LRCH1: variants seen among roughly 807,000 people sequenced by gnomAD.
LRCH1 encodes the protein leucine rich repeats and calponin homology domain containing 1.
LRCH1 carries 23 observed loss-of-function variants against 94.9 expected under a neutral mutation model. The observed-to-expected ratio is 0.24, with a 90% CI of 0.17 to 0.34. The LOEUF (loss-of-function observed/expected upper bound fraction) is 0.34, where lower values mean the gene tolerates loss of function less well. LRCH1 is among the 10% of genes least tolerant of loss of function. The pLI, the probability that LRCH1 is intolerant of heterozygous loss-of-function variation, is 1.00. For synonymous variants in LRCH1, 364 were observed against 354.9 expected (o/e 1.03, Z -0.29); for missense variants, 790 against 945.9 (o/e 0.84, Z 2.16).
At chr13:46,675,548 T>G (rs1286365798) in intron 3 of LRCH1, among the ~76,000 whole-genome samples, 1 of 152,224 alleles carries the variant, frequency 6.6e-6, no homozygotes, top group Non-Finnish European at 1.5e-5. Context: ...ATGCTATTTT[T>G]TATTCTTTTT....
At chr13:46,671,733 A>G (rs540712624) in intron 3 of LRCH1, among the ~76,000 whole-genome samples, 61 of 152,376 alleles carry the variant, frequency 4.0e-4, no homozygotes, top group African/African-American at 1.4e-3. Context: ...TGCAAATACA[A>G]TATGAATAAC....
chr13:46,689,715 T>G (rs918898099), intron 7 of LRCH1, among the ~76,000 whole-genome samples: 1 of 151,862 alleles, frequency 6.6e-6, no homozygotes, highest in Non-Finnish European at 1.5e-5. Flanking sequence ...TTAGATTGTG[T>G]TCTGTTCTGT....
chr13:46,588,919 A>G (rs1396605243), intron 1 of LRCH1, among the ~76,000 whole-genome samples: 2 of 151,344 alleles, frequency 1.3e-5, no homozygotes, highest in African/African-American at 2.4e-5. Flanking sequence ...TGCTTTCTCT[A>G]TTTGTGTGTG....
intron 19 of LRCH1, among the ~76,000 whole-genome samples, chr13:46,735,940 G>A (rs1425575957): frequency 6.6e-6 from 1 of 151,872 alleles, no homozygotes; most frequent in East Asian, 2.0e-4. Context: ...GGGATTACAG[G>A]TGTGCACTAC....
chr13:46,602,401 G>C (rs539593234), intron 1 of LRCH1, among the ~76,000 whole-genome samples: 1 of 152,266 alleles, frequency 6.6e-6, no homozygotes, highest in South Asian at 2.1e-4. Context: ...TCAGGGTGAA[G>C]AACATGGCTT....
rs1251169676 is a variant in LRCH1 at position 46,715,452 on chromosome 13, C to T, written c.1655-108C>T. The T allele has an allele frequency of 6.0e-6, 4 of 664,826 alleles. No individual in the cohort carries two copies. In the East Asian group the frequency reaches 1.1e-4, roughly 18 times the overall value. The allele number at this position is 664,826 out of a possible 1,614,324, so 41.2% of individuals were successfully genotyped here. A position where few individuals can be genotyped will look rare whatever the true frequency, so the allele number is the denominator to read the frequency against. On this transcript the variant is annotated intron_variant, in intron 15 of 19. Coordinates refer to ENST00000389797, the MANE Select transcript of LRCH1 (RefSeq NM_001164211.2). ...AAACCCCATATAAATGAAATCCACT[C>T]TTCATTTCCATGCAAACCCTATGCC...
chr13:46,597,027 C>T lies in LRCH1; in HGVS notation c.307+43324C>T, dbSNP rs868543950. Among the ~76,000 whole-genome samples the T allele has an allele frequency of 4.6e-5, 7 of 152,256 alleles. No homozygotes were observed. The South Asian group carries it at 6.2e-4, about 14-fold the overall frequency. On this transcript the variant is annotated intron_variant, in intron 1 of 19. Transcript: ENST00000389797. ...AAATTCCCAAATGGGTTAATACAGT[C>T]GATCCTCAATCTTTGAGAATTCTGT...
At chr13:46,715,508 T>C in intron 15 of LRCH1, 52 bp from the exon 16 acceptor site, 1 of 1,068,970 alleles carries the variant, frequency 9.4e-7, no homozygotes, top group Non-Finnish European at 1.4e-6. Flanking sequence ...CCTTTGGTTT[T>C]TCCTGGTCCT....
chr13:46,629,390 G>T (rs1161635399), intron 1 of LRCH1, among the ~76,000 whole-genome samples: 1 of 152,190 alleles, frequency 6.6e-6, no homozygotes, highest in East Asian at 1.9e-4. Flanking sequence ...ATGTGTTCTT[G>T]TGTGCCAATC....
chr13:46,660,034 C>CTTTTTTTTTTTT (rs767544799), intron 2 of LRCH1, among the ~76,000 whole-genome samples: 7,058 of 103,060 alleles, frequency 0.068, 1,053 homozygotes, highest in East Asian at 0.1. Flanking sequence ...TTAGGAGTCA[C>CTTTTTTTTTTTT]TTTTTTTTTT....
intron 1 of LRCH1, among the ~76,000 whole-genome samples, chr13:46,582,770 G>A (rs919892976): frequency 3.3e-5 from 5 of 149,432 alleles, no homozygotes; most frequent in Admixed American, 1.3e-4. Context: ...CAGAGTGCTG[G>A]GATTATAGGT....
chr13:46,721,992 G>C (rs568809754), intron 16 of LRCH1, among the ~76,000 whole-genome samples: 3 of 152,188 alleles, frequency 2.0e-5, no homozygotes, highest in African/African-American at 7.2e-5. Flanking sequence ...CAGGACTTTT[G>C]ATTACACCGA....
chr13:46,594,790 T>G (rs2050540861), intron 1 of LRCH1, among the ~76,000 whole-genome samples: 1 of 152,202 alleles, frequency 6.6e-6, no homozygotes. Context: ...AAATGTATGG[T>G]TAGTGCTTTC....
chr13:46,668,786 C>G (rs2051557215), intron 2 of LRCH1, among the ~76,000 whole-genome samples: 1 of 151,774 alleles, frequency 6.6e-6, no homozygotes, highest in South Asian at 2.1e-4. Context: ...ATAAAGTTGT[C>G]TCTTTGAGAA....
At chr13:46,679,109 A>G (rs1039597202) in intron 3 of LRCH1, among the ~76,000 whole-genome samples, 3 of 152,218 alleles carry the variant, frequency 2.0e-5, no homozygotes, top group African/African-American at 7.2e-5. Flanking sequence ...TTAGATGCCA[A>G]TAACGTCCAT....
At chr13:46,751,272 G>A (rs1418982068) in exon 19 of LRCH1, 2 of 151,900 alleles carry the variant, frequency 1.3e-5, no homozygotes, top group East Asian at 1.9e-4. Flanking sequence ...CCTCTTTGGT[G>A]TGCGGTAGTT....
chr13:46,620,222 A>G (rs544934363), intron 1 of LRCH1, among the ~76,000 whole-genome samples: 67 of 152,202 alleles, frequency 4.4e-4, no homozygotes, highest in Non-Finnish European at 7.6e-4. Context: ...CATACTACCA[A>G]TACAAAAGCA....
At chr13:46,748,166 C>G (rs1593393926), downstream of LRCH1, among the ~76,000 whole-genome samples, 1 of 151,856 alleles carries the variant, frequency 6.6e-6, no homozygotes. Context: ...TTGCTCTTTT[C>G]CTTTGTGACT....
intron 3 of LRCH1, among the ~76,000 whole-genome samples, chr13:46,669,658 A>G (rs1487113969): frequency 3.3e-5 from 5 of 152,212 alleles, no homozygotes; most frequent in African/African-American, 7.2e-5. Context: ...AGAACAAGCT[A>G]TAGATGAGCA....
Sources: gnomAD v4.1 joint callset for allele counts (sites outside exome capture counted in the v4.1 genomes callset) on GRCh38, gnomAD v4.1.1 for gene constraint, MANE v1.5 for transcripts, NCBI Gene and HGNC (gene_info 2026-07-23, HGNC 2026-07-21) for gene names.